DSCAM: variants seen among roughly 807,000 people sequenced by gnomAD.
DSCAM encodes the protein cell adhesion molecule DSCAM.
Under a neutral mutation model 217.7 loss-of-function variants are expected in DSCAM, and 47 were observed. The ratio of observed to expected loss-of-function variants is 0.22; its 90% CI spans 0.17 to 0.28. The LOEUF is 0.28. Ranked by LOEUF, DSCAM falls within the 10% of genes least tolerant of loss-of-function variation. The probability of loss-of-function intolerance (pLI) is 1.00; values close to 1 mark genes in which losing one functional copy is unlikely to be tolerated. For synonymous variants in DSCAM, 1,056 were observed against 1,015.3 expected (o/e 1.04, Z -0.76); for missense variants, 2,080 against 2,618.3 (o/e 0.79, Z 4.49).
rs535705140 is a variant in DSCAM, at chr21:40,134,132, C to T, written c.3407-123G>A. The T allele has an allele frequency of 3.1e-4, 372 of 1,211,814 alleles. 2 individuals are homozygous for T. The East Asian group carries it at 3.1e-3, about 10-fold the overall frequency. The allele number at this position is 1,211,814 out of a possible 1,614,324, so 75.1% of individuals were successfully genotyped here. On this transcript the variant is annotated intron_variant, in intron 18 of 32. Coordinates refer to ENST00000400454, the MANE Select transcript of DSCAM (RefSeq NM_001389.5). ...CACCCGTCCAGCCATCATCTGGACA[C>T]GAGAATTCTCAAAGGGACTGTGCAC...
At chr21:40,393,956 T>A (rs1307697114) in intron 3 of DSCAM, among the ~76,000 whole-genome samples, 2 of 152,254 alleles carry the variant, frequency 1.3e-5, no homozygotes, top group African/African-American at 4.8e-5. Context: ...TTCACCATTA[T>A]AATTAAAATA....
chr21:40,329,834 A>G (rs2074357555), intron 8 of DSCAM, among the ~76,000 whole-genome samples: 1 of 152,010 alleles, frequency 6.6e-6, no homozygotes, highest in Non-Finnish European at 1.5e-5. Context: ...ATGCAATCTA[A>G]AAAGGTTGAT....
At chr21:40,273,894 C>T (rs938965910) in intron 11 of DSCAM, among the ~76,000 whole-genome samples, 3 of 152,124 alleles carry the variant, frequency 2.0e-5, no homozygotes, top group African/African-American at 7.2e-5. Flanking sequence ...CTTTGTGACC[C>T]AATCACTTTT....
intron 3 of DSCAM, among the ~76,000 whole-genome samples, chr21:40,572,317 C>T (rs896181318): frequency 6.6e-6 from 1 of 151,738 alleles, no homozygotes; most frequent in Non-Finnish European, 1.5e-5. Context: ...TTCTAGCAAA[C>T]TCCTAAAAAA....
At chr21:40,455,690 A>G (rs2075757721) in intron 3 of DSCAM, among the ~76,000 whole-genome samples, 1 of 152,110 alleles carries the variant, frequency 6.6e-6, no homozygotes, top group Non-Finnish European at 1.5e-5. Flanking sequence ...TATCGGTTGA[A>G]TCCAGGAGGT....
chr21:40,417,068 C>T lies in DSCAM; in HGVS notation c.509-47823G>A, dbSNP rs16999744. 7.1e-3 allele frequency among the ~76,000 whole-genome samples: 1,075 copies of T among 152,196 alleles called. 11 individuals are homozygous for T. The highest frequency in any genetic ancestry group is 0.024 in the African/African-American group (1,011 of 41,536). On this transcript the variant is annotated intron_variant, in intron 3 of 32. Transcript: ENST00000400454. The stretch of plus-strand genomic sequence containing the variant: ...CATCTGACTATATCTGTAACTCTGA[C>T]GTCCATATTTGCATTTCCAATATGA...
intron 3 of DSCAM, among the ~76,000 whole-genome samples, chr21:40,564,048 T>A (rs1485469989): frequency 6.6e-6 from 1 of 152,126 alleles, no homozygotes; most frequent in Non-Finnish European, 1.5e-5. Context: ...TTCCCGCCCA[T>A]CTGAGAGATG....
chr21:40,709,024 T>G (rs1351841268), intron 1 of DSCAM, among the ~76,000 whole-genome samples: 2 of 152,134 alleles, frequency 1.3e-5, no homozygotes, highest in Non-Finnish European at 2.9e-5. Context: ...TAATAGATTG[T>G]TTTTTTGCCT....
At chr21:40,391,300 T>G (rs142802672) in intron 3 of DSCAM, among the ~76,000 whole-genome samples, 286 of 152,336 alleles carry the variant, frequency 1.9e-3, no homozygotes, top group African/African-American at 6.7e-3. Flanking sequence ...TAAAAATCGC[T>G]GAGTGCATAA....
At chr21:40,521,100 C>G (rs988847630) in intron 3 of DSCAM, among the ~76,000 whole-genome samples, 10 of 152,182 alleles carry the variant, frequency 6.6e-5, no homozygotes, top group African/African-American at 2.2e-4. Context: ...AACAGTGTTT[C>G]TCAACCGGGG....
At chr21:40,747,586 C>T (rs1247668330) in intron 1 of DSCAM, among the ~76,000 whole-genome samples, 1 of 151,684 alleles carries the variant, frequency 6.6e-6, no homozygotes, top group African/African-American at 2.4e-5. Flanking sequence ...CAAAAAACTC[C>T]CAAGACTTAA....
chr21:40,842,552 T>C (rs747569813), intron 1 of DSCAM, among the ~76,000 whole-genome samples: 42 of 152,132 alleles, frequency 2.8e-4, no homozygotes, highest in Non-Finnish European at 5.4e-4. Context: ...TCTACAGTGT[T>C]CACAGGTCTT....
intron 3 of DSCAM, among the ~76,000 whole-genome samples, chr21:40,686,069 T>C (rs2090469406): frequency 6.6e-6 from 1 of 152,054 alleles, no homozygotes; most frequent in Non-Finnish European, 1.5e-5. Context: ...GGGATTTTAG[T>C]GTGACTGAGT....
intron 3 of DSCAM, among the ~76,000 whole-genome samples, chr21:40,667,963 TCAA>T (rs890711086): frequency 6.6e-5 from 10 of 152,332 alleles, no homozygotes; most frequent in African/African-American, 2.2e-4. Context: ...CTATCATAGA[TCAA>T]AACTTATTTC....
intron 8 of DSCAM, among the ~76,000 whole-genome samples, chr21:40,333,160 G>T (rs762563877): frequency 5.6e-4 from 85 of 152,210 alleles, no homozygotes; most frequent in Non-Finnish European, 9.9e-4. Context: ...AAATAAGAAA[G>T]TCTCTTTCAA....
At chr21:40,625,463 A>G (rs534562241) in intron 3 of DSCAM, among the ~76,000 whole-genome samples, 2 of 152,144 alleles carry the variant, frequency 1.3e-5, no homozygotes, top group South Asian at 2.1e-4. Flanking sequence ...ATGAGATTCT[A>G]TGTTTCTCAT....
intron 3 of DSCAM, among the ~76,000 whole-genome samples, chr21:40,560,285 G>A (rs1345071817): frequency 6.6e-6 from 1 of 152,202 alleles, no homozygotes; most frequent in Non-Finnish European, 1.5e-5. Flanking sequence ...GTTACCTAGA[G>A]AAGCTCAGAC....
intron 31 of DSCAM, among the ~76,000 whole-genome samples, chr21:40,043,391 G>A (rs2088789071): frequency 6.6e-6 from 1 of 152,180 alleles, no homozygotes; most frequent in African/African-American, 2.4e-5. Flanking sequence ...AAATTCACAT[G>A]GCGATGATCC....
intron 2 of DSCAM, among the ~76,000 whole-genome samples, chr21:40,699,626 T>G (rs919958117): frequency 6.6e-6 from 1 of 152,182 alleles, no homozygotes; most frequent in Admixed American, 6.5e-5. Context: ...TTTGAGTAGA[T>G]AGAAGATCTG....
Sources: allele counts gnomAD v4.1 joint callset (sites outside exome capture counted in the v4.1 genomes callset), GRCh38; gene constraint gnomAD v4.1.1; transcripts MANE v1.5; gene names NCBI Gene and HGNC (gene_info 2026-07-23, HGNC 2026-07-21).